KCNAB1: variants seen among roughly 807,000 people sequenced by gnomAD.
KCNAB1 encodes the protein voltage-gated potassium channel subunit beta-1.
KCNAB1 carries 35 observed loss-of-function variants against 64.6 expected under a neutral mutation model. The ratio of observed to expected loss-of-function variants is 0.54; its 90% CI spans 0.41 to 0.72. KCNAB1 has a LOEUF of 0.72. KCNAB1 is among the 30% of genes least tolerant of loss of function. KCNAB1 has a pLI of 0.00. For missense variants in KCNAB1, 401 were observed against 512.9 expected (o/e 0.78, Z 2.11); for synonymous variants, 177 against 183.8 (o/e 0.96, Z 0.30).
Position 156,368,477 on chromosome 3 carries a change from A to T in KCNAB1, c.276-53139A>T, listed in dbSNP as rs545338372. Among the ~76,000 whole-genome samples, 74 of 152,274 alleles carry T rather than the reference A, an allele frequency of 4.9e-4. 1 individual carries two copies. The highest frequency in any genetic ancestry group is 6.8e-3 in the Middle Eastern group (2 of 294). Reference sequence around the variant, plus strand: ...GGTCTCTCTCTGTTGCCCAGGCTGTAGTGTAGGTGCAATCATAGCTCACTG... The same window carrying T: ...GGTCTCTCTCTGTTGCCCAGGCTGTTGTGTAGGTGCAATCATAGCTCACTG... On this transcript the variant is annotated intron_variant, in intron 1 of 13. Transcript: ENST00000490337.
chr3:156,500,053 G>A lies in KCNAB1; in HGVS notation c.659-14311G>A, dbSNP rs1243348131. On this transcript the variant is annotated intron_variant, in intron 8 of 13. Transcript: ENST00000490337. ...ACTCTCTCCTTGCCACTCCTTGGTT[G>A]CAAGGTAGGCTCTGGGTTGTAAGCT... Among the ~76,000 whole-genome samples the A allele has an allele frequency of 2.0e-5, 3 of 152,340 alleles. No individual in the cohort carries two copies. In the South Asian group the frequency reaches 6.2e-4, roughly 32 times the overall value.
At chr3:156,219,409 C>CA (rs1392232809) in intron 1 of KCNAB1, among the ~76,000 whole-genome samples, 3 of 150,938 alleles carry the variant, frequency 2.0e-5, no homozygotes, top group Non-Finnish European at 4.4e-5. Flanking sequence ...CCGTCAAAGA[C>CA]AAAGAAAAAA....
chr3:156,443,492 A>G (rs1717156242), intron 2 of KCNAB1, among the ~76,000 whole-genome samples: 1 of 152,128 alleles, frequency 6.6e-6, no homozygotes. Context: ...CTTACCACTC[A>G]CTGTCACTTT....
intron 8 of KCNAB1, among the ~76,000 whole-genome samples, chr3:156,489,862 AG>A (rs1261854857): frequency 6.6e-6 from 1 of 152,096 alleles, no homozygotes; most frequent in African/African-American, 2.4e-5. Flanking sequence ...ACACAACCTC[AG>A]GATGGTTCAT....
chr3:156,252,033 C>T lies in KCNAB1; in HGVS notation c.275+131147C>T, dbSNP rs143566762. Among the ~76,000 whole-genome samples, 409 of 152,294 alleles carry T rather than the reference C, an allele frequency of 2.7e-3. 1 individual carries two copies. Among genetic ancestry groups the T allele is most frequent in the African/African-American group, 9.4e-3 (391 of 41,550 alleles). ...GTCTGGTGACAGTTCTAGTTTCCTC[C>T]TGCTGATGAGTTGGGCCTTTTTCCT... On this transcript the variant is annotated intron_variant, in intron 1 of 13. Transcript: ENST00000490337.
chr3:156,128,348 G>T (rs1334928705), intron 1 of KCNAB1, among the ~76,000 whole-genome samples: 3 of 152,104 alleles, frequency 2.0e-5, no homozygotes, highest in Non-Finnish European at 1.5e-5. Flanking sequence ...ATCTCTGAAA[G>T]AAAAAGGGGA....
rs527932759 is a variant in KCNAB1 at position 156,462,978 on chromosome 3, C to T, written c.483-724C>T. Among the ~76,000 whole-genome samples the T allele has an allele frequency of 3.3e-5, 5 of 152,262 alleles. No individual in the cohort carries two copies. The South Asian group carries it at 1.0e-3, about 32-fold the overall frequency. On this transcript the variant is annotated intron_variant, in intron 5 of 13. Coordinates refer to ENST00000490337, the MANE Select transcript of KCNAB1 (RefSeq NM_172160.3). The stretch of plus-strand genomic sequence containing the variant: ...GTAATAAGTTTGCTGATGAGATATG[C>T]ACATTTCATTCCCCTAGCAGTAAAA...
intron 1 of KCNAB1, among the ~76,000 whole-genome samples, chr3:156,124,286 A>T (rs1487832708): frequency 1.3e-5 from 2 of 150,698 alleles, no homozygotes; most frequent in African/African-American, 2.4e-5. Flanking sequence ...GCGCAAACTC[A>T]GCTCACTGCA....
At chr3:156,442,096 A>G (rs1372365015) in intron 2 of KCNAB1, among the ~76,000 whole-genome samples, 2 of 152,178 alleles carry the variant, frequency 1.3e-5, no homozygotes, top group East Asian at 1.9e-4. Flanking sequence ...TTTCCCTATC[A>G]GGCTCAAGAT....
At chr3:156,238,421 CA>C (rs745633828) in intron 1 of KCNAB1, among the ~76,000 whole-genome samples, 9,609 of 71,762 alleles carry the variant, frequency 0.13, 238 homozygotes, top group African/African-American at 0.24. Context: ...GACTTGGTCT[CA>C]AAAAAAAAAA....
chr3:156,434,967 A>G (rs1716488071), intron 2 of KCNAB1, among the ~76,000 whole-genome samples: 3 of 152,178 alleles, frequency 2.0e-5, no homozygotes, highest in South Asian at 4.2e-4. Context: ...TAGTTTGATG[A>G]TTTTTTGAGA....
At position 156,247,170 on chromosome 3, in the gene KCNAB1, G is replaced by C. The variant is rs1451089498; in HGVS notation, c.275+126284G>C. Among the ~76,000 whole-genome samples, 7 of 152,202 alleles carry C rather than the reference G, an allele frequency of 4.6e-5. No homozygotes were observed. In the South Asian group the frequency reaches 1.4e-3, roughly 32 times the overall value. ...GACTGTCTGCCGACTGGCTGGTATA[G>C]AAAGGCTGTCTTCCTCGTGGTTGCT... On this transcript the variant is annotated intron_variant, in intron 1 of 13. Coordinates refer to ENST00000490337, the MANE Select transcript of KCNAB1 (RefSeq NM_172160.3).
chr3:156,514,992 T>A, intron 9 of KCNAB1, 108 bp from the exon 10 acceptor site: 1 of 1,122,082 alleles, frequency 8.9e-7, no homozygotes, highest in African/African-American at 1.6e-5. Context: ...TACATGTTTC[T>A]TGGTTTGTAC....
chr3:156,317,409 T>C (rs932752274), intron 1 of KCNAB1, among the ~76,000 whole-genome samples: 1 of 152,230 alleles, frequency 6.6e-6, no homozygotes, highest in Non-Finnish European at 1.5e-5. Context: ...AGCCTTTAGA[T>C]GAAATTTTTT....
chr3:156,445,245 C>G (rs111904185), intron 2 of KCNAB1, among the ~76,000 whole-genome samples: 6,146 of 152,114 alleles, frequency 0.04, 412 homozygotes, highest in African/African-American at 0.14. Flanking sequence ...GCAGTGAGCC[C>G]AGATTGTGCC....
At chr3:156,264,510 A>G (rs1397023340) in intron 1 of KCNAB1, among the ~76,000 whole-genome samples, 1 of 151,904 alleles carries the variant, frequency 6.6e-6, no homozygotes, top group African/African-American at 2.4e-5. Context: ...TAGCTTGTTC[A>G]TTTTTAAAAA....
At chr3:156,261,842 A>C (rs1718449649) in intron 1 of KCNAB1, among the ~76,000 whole-genome samples, 2 of 152,020 alleles carry the variant, frequency 1.3e-5, no homozygotes, top group Non-Finnish European at 2.9e-5. Flanking sequence ...CCATCTTGAC[A>C]ATATTGACTA....
chr3:156,407,514 C>T (rs1393959223), intron 1 of KCNAB1, among the ~76,000 whole-genome samples: 1 of 152,192 alleles, frequency 6.6e-6, no homozygotes, highest in Non-Finnish European at 1.5e-5. Flanking sequence ...ACTGCTATAA[C>T]CCTAGCACCT....
chr3:156,226,728 T>C (rs190405173), intron 1 of KCNAB1, among the ~76,000 whole-genome samples: 1 of 152,346 alleles, frequency 6.6e-6, no homozygotes, highest in African/African-American at 2.4e-5. Flanking sequence ...AAAGCTCATC[T>C]GCAAAGCTTG....
Sources: allele counts gnomAD v4.1 joint callset (sites outside exome capture counted in the v4.1 genomes callset), GRCh38; gene constraint gnomAD v4.1.1; transcripts MANE v1.5; gene names NCBI Gene and HGNC (gene_info 2026-07-23, HGNC 2026-07-21).